Variants in MYRIP observed in about 807,000 individuals in gnomAD.
MYRIP encodes myosin VIIA and Rab interacting protein, also known as rab effector MyRIP.
A neutral mutation model predicts 98.0 loss-of-function variants in MYRIP; 49 were observed. The observed-to-expected ratio is 0.50, with a 90% CI of 0.40 to 0.63. The LOEUF (loss-of-function observed/expected upper bound fraction) is 0.63. Ranked by LOEUF, MYRIP falls within the 30% of genes least tolerant of loss-of-function variation. The probability of loss-of-function intolerance (pLI) is 0.00; values close to 1 mark genes in which losing one functional copy is unlikely to be tolerated. For synonymous variants in MYRIP, 404 were observed against 409.5 expected (o/e 0.99, Z 0.16); for missense variants, 1,004 against 1,058.2 (o/e 0.95, Z 0.71).
At chr3:40,218,598 C>CACAT (rs143584008) in intron 11 of MYRIP, among the ~76,000 whole-genome samples, 213 of 14,104 alleles carry the variant, frequency 0.015, 1 homozygote, top group Admixed American at 0.033. Context: ...CACACACACA[C>CACAT]ATATATATAT....
intron 3 of MYRIP, among the ~76,000 whole-genome samples, chr3:40,133,030 A>G (rs1949679668): frequency 6.6e-6 from 1 of 152,276 alleles, no homozygotes; most frequent in African/African-American, 2.4e-5. Context: ...ACATGTGGTC[A>G]GAGATCTCTG....
chr3:40,089,188 A>G (rs1052631343), intron 3 of MYRIP, among the ~76,000 whole-genome samples: 1 of 152,188 alleles, frequency 6.6e-6, no homozygotes, highest in African/African-American at 2.4e-5. Flanking sequence ...AGGAGACACT[A>G]GGTGACAGGA....
chr3:39,875,307 AT>A (rs1287267796), intron 1 of MYRIP, among the ~76,000 whole-genome samples: 1 of 151,924 alleles, frequency 6.6e-6, no homozygotes, highest in Non-Finnish European at 1.5e-5. Flanking sequence ...GGATTCCTTA[AT>A]TTTTTGAAGG....
Position 40,169,976 on chromosome 3 carries a change from TG to T in MYRIP, c.757del (p.Glu253SerfsTer53). On this transcript the variant is annotated frameshift_variant, in exon 8 of 17. Transcript: ENST00000302541. LOFTEE classifies it high-confidence loss of function. Reference sequence around the variant, plus strand: ...TTATACGAAAACAGAAGAGCAAAAGTGAGCAGCAAGTGGAAGAAGAGCCAGG... The same window carrying T: ...TTATACGAAAACAGAAGAGCAAAAGTAGCAGCAAGTGGAAGAAGAGCCAGG... ...KIIRKQKSKS[E>X]QQVEEEPGWP... 6.2e-7 allele frequency: 1 copy of T among 1,614,178 alleles called. No homozygotes were observed. Among genetic ancestry groups the T allele is most frequent in the Non-Finnish European group, 8.5e-7 (1 of 1,180,032 alleles).
intron 3 of MYRIP, among the ~76,000 whole-genome samples, chr3:40,145,882 G>A (rs1225527606): frequency 6.6e-6 from 1 of 152,162 alleles, no homozygotes; most frequent in Non-Finnish European, 1.5e-5. Context: ...CAACATTACA[G>A]TCAATCAGGA....
intron 1 of MYRIP, among the ~76,000 whole-genome samples, chr3:39,825,778 G>C (rs188791096): frequency 6.6e-6 from 1 of 152,038 alleles, no homozygotes; most frequent in East Asian, 1.9e-4. Context: ...TTAACAGTTT[G>C]GTAGAATTTA....
chr3:39,945,540 G>A (rs1944883259), intron 2 of MYRIP, among the ~76,000 whole-genome samples: 1 of 148,544 alleles, frequency 6.7e-6, no homozygotes, highest in Non-Finnish European at 1.5e-5. Context: ...GATCACAATT[G>A]AATTTAACTT....
chr3:39,975,060 G>A (rs1028505038), intron 2 of MYRIP, among the ~76,000 whole-genome samples: 4 of 152,180 alleles, frequency 2.6e-5, no homozygotes, highest in African/African-American at 9.7e-5. Context: ...TCAGGCAGGA[G>A]AAGGAAATAA....
chr3:40,055,657 C>A (rs1286666647), intron 3 of MYRIP, among the ~76,000 whole-genome samples: 3 of 152,182 alleles, frequency 2.0e-5, no homozygotes, highest in African/African-American at 4.8e-5. Context: ...GGCCTTACAA[C>A]AGATAATCCC....
chr3:40,170,683 T>C (rs1216041153), intron 8 of MYRIP, among the ~76,000 whole-genome samples: 1 of 152,148 alleles, frequency 6.6e-6, no homozygotes, highest in Non-Finnish European at 1.5e-5. Context: ...GTAAGCCCAG[T>C]TGAGGATATG....
intron 2 of MYRIP, among the ~76,000 whole-genome samples, chr3:39,927,774 T>G (rs774475560): frequency 2.6e-5 from 4 of 152,008 alleles, no homozygotes; most frequent in Non-Finnish European, 4.4e-5. Context: ...CTGATGCACA[T>G]AGATGTGAAA....
intron 9 of MYRIP, among the ~76,000 whole-genome samples, chr3:40,184,432 C>T (rs1423086223): frequency 6.6e-6 from 1 of 152,168 alleles, no homozygotes; most frequent in Non-Finnish European, 1.5e-5. Context: ...CAGACACTGT[C>T]ATTATTTTGT....
chr3:39,978,122 G>A (rs192779338), intron 2 of MYRIP, among the ~76,000 whole-genome samples: 5 of 152,286 alleles, frequency 3.3e-5, no homozygotes, highest in Non-Finnish European at 7.3e-5. Context: ...AGACCCAGAC[G>A]TGGTATCATG....
At chr3:39,942,724 C>G (rs944289618) in intron 2 of MYRIP, among the ~76,000 whole-genome samples, 2 of 151,912 alleles carry the variant, frequency 1.3e-5, no homozygotes, top group Non-Finnish European at 2.9e-5. Flanking sequence ...CTATAGTCAC[C>G]CTATTGATCT....
At chr3:40,253,590 A>C (rs1017366292) in intron 16 of MYRIP, among the ~76,000 whole-genome samples, 7 of 152,230 alleles carry the variant, frequency 4.6e-5, no homozygotes, top group African/African-American at 1.7e-4. Context: ...ACCTAAACTA[A>C]GATCGCACTA....
At chr3:39,914,695 G>T (rs1344370174) in intron 2 of MYRIP, among the ~76,000 whole-genome samples, 1 of 152,026 alleles carries the variant, frequency 6.6e-6, no homozygotes, top group Non-Finnish European at 1.5e-5. Flanking sequence ...TCCTCCCAAA[G>T]ATGAGGTATA....
chr3:39,888,293 A>C (rs1943369138), intron 1 of MYRIP, among the ~76,000 whole-genome samples: 1 of 152,148 alleles, frequency 6.6e-6, no homozygotes, highest in Non-Finnish European at 1.5e-5. Flanking sequence ...ACAAGGCTAC[A>C]GTAACCAAAA....
chr3:39,986,052 C>T (rs1365260979), intron 2 of MYRIP, among the ~76,000 whole-genome samples: 4 of 152,264 alleles, frequency 2.6e-5, no homozygotes, highest in South Asian at 2.1e-4. Flanking sequence ...TTTTCGCAAC[C>T]GACTCATCTG....
At chr3:39,989,577 C>A (rs970814938) in intron 2 of MYRIP, among the ~76,000 whole-genome samples, 1 of 152,318 alleles carries the variant, frequency 6.6e-6, no homozygotes, top group African/African-American at 2.4e-5. Context: ...GGGGGAAACC[C>A]ACACATCTGG....
Sources: gnomAD v4.1 joint callset for allele counts (sites outside exome capture counted in the v4.1 genomes callset) on GRCh38, gnomAD v4.1.1 for gene constraint, MANE v1.5 for transcripts, NCBI Gene and HGNC (gene_info 2026-07-23, HGNC 2026-07-21) for gene names.